The following AP2B1 variants were observed in gnomAD, a reference collection of about 807,000 sequenced individuals.
AP2B1 encodes AP-2 complex subunit beta.
In AP2B1, 23 loss-of-function variants were observed where a neutral mutation model predicts 102.0. That is an observed-to-expected ratio of 0.23 (90% CI 0.16 to 0.32). The LOEUF (loss-of-function observed/expected upper bound fraction) is 0.32, where lower values mean the gene tolerates loss of function less well. Ranked by LOEUF, AP2B1 falls within the 10% of genes least tolerant of loss-of-function variation. AP2B1 has a pLI of 1.00. For missense variants in AP2B1, 541 were observed against 1,157.4 expected (o/e 0.47, Z 7.73); for synonymous variants, 381 against 421.2 (o/e 0.90, Z 1.17).
chr17:35,679,409 G>A (rs1470257454), intron 17 of AP2B1, among the ~76,000 whole-genome samples: 1 of 147,212 alleles, frequency 6.8e-6, no homozygotes, highest in Admixed American at 6.8e-5. Flanking sequence ...TTTTTTTCCA[G>A]CCTTATTCAT....
chr17:35,592,127 T>C (rs2142285817), intron 1 of AP2B1, among the ~76,000 whole-genome samples: 3 of 135,916 alleles, frequency 2.2e-5, no homozygotes, highest in Non-Finnish European at 3.1e-5. Flanking sequence ...CTGGCTCTTT[T>C]TTCTTTTCTT....
intron 10 of AP2B1, 54 bp downstream of exon 10, chr17:35,636,510 G>A: frequency 7.1e-7 from 1 of 1,410,956 alleles, no homozygotes; most frequent in Non-Finnish European, 1.0e-6. Context: ...AAATGTTTAA[G>A]GCACTTTGAA....
chr17:35,642,123 T>C (rs1352402597), intron 12 of AP2B1, 148 bp downstream of exon 12: 2 of 549,682 alleles, frequency 3.6e-6, no homozygotes, highest in Middle Eastern at 3.0e-4. Flanking sequence ...AAACAATGCC[T>C]TTTTACGTGT....
chr17:35,630,765 T>C (rs1342438520), intron 9 of AP2B1, among the ~76,000 whole-genome samples: 1 of 152,196 alleles, frequency 6.6e-6, no homozygotes, highest in Non-Finnish European at 1.5e-5. Flanking sequence ...CTAAGCGTGC[T>C]TTGATGGGAG....
At chr17:35,686,042 C>A (rs1362017326) in intron 18 of AP2B1, among the ~76,000 whole-genome samples, 1 of 152,184 alleles carries the variant, frequency 6.6e-6, no homozygotes, top group Non-Finnish European at 1.5e-5. Context: ...GGATTACAGG[C>A]GTGAGCTGCC....
intron 18 of AP2B1, among the ~76,000 whole-genome samples, chr17:35,704,729 T>C (rs2076305578): frequency 6.6e-6 from 1 of 152,138 alleles, no homozygotes; most frequent in South Asian, 2.1e-4. Flanking sequence ...AAGAAAATAT[T>C]AAGCAGAAAG....
In AP2B1 at chr17:35,723,815, G is replaced by C; in HGVS notation, c.*116G>C. On this transcript the variant is annotated 3_prime_UTR_variant, in exon 22 of 22. Coordinates refer to ENST00000610402, the MANE Select transcript of AP2B1 (RefSeq NM_001030006.2). ...GAACACACTGAGGCCACCTAGCAAG[G>C]TAGTAACTAGTCTAACCTGTGCTAA... The C allele has an allele frequency of 1.4e-6, 1 of 728,916 alleles. No individual in the cohort carries two copies. The highest frequency in any genetic ancestry group is 2.4e-6 in the Non-Finnish European group (1 of 408,664). The allele number at this position is 728,916 out of a possible 1,614,324, so 45.2% of individuals were successfully genotyped here.
At chr17:35,714,889 C>G (rs1006671377) in intron 20 of AP2B1, among the ~76,000 whole-genome samples, 6 of 152,158 alleles carry the variant, frequency 3.9e-5, no homozygotes, top group Non-Finnish European at 1.5e-5. Flanking sequence ...TTATCAAACT[C>G]TCACAACTAT....
Position 35,709,244 on chromosome 17 carries a change from C to G in AP2B1, c.2475C>G (p.Ile825Met). ...NNLQVAVKNN[I>M]DVFYFSCLIP... is the part of the protein sequence containing the mutation. ...GGCAGGTGGCTGTGAAAAACAATAT[C>G]GATGTCTTCTACTTCAGCTGCCTCA... is the stretch of plus-strand genomic sequence containing the variant. Residue 825 changes from isoleucine (I) to methionine (M), a missense_variant, in exon 19 of 22, where the codon ATC becomes ATG. Around this residue, in one of 10 missense-constraint regions of AP2B1, gnomAD observed 117 missense variants for 206.7 expected, o/e 0.57. Transcript: ENST00000610402. 1 of 1,614,082 alleles carries G rather than the reference C, an allele frequency of 6.2e-7. No individual in the cohort carries two copies.
rs138690453 is a variant in AP2B1, at chr17:35,611,492, C to T, written c.525+3105C>T. Among the ~76,000 whole-genome samples, 725 of 152,086 alleles carry T rather than the reference C, an allele frequency of 4.8e-3. 16 individuals carry two copies. The highest frequency in any genetic ancestry group is 0.047 in the East Asian group (241 of 5,172). On this transcript the variant is annotated intron_variant, in intron 5 of 21. Transcript: ENST00000610402. ...GTGTGTGTGTGTGTGCGCGCGCGCACGTGCGCACACACACTCAAGTAGCAC... is the reference window on the plus strand; with the variant it reads ...GTGTGTGTGTGTGTGCGCGCGCGCATGTGCGCACACACACTCAAGTAGCAC...
intron 18 of AP2B1, among the ~76,000 whole-genome samples, chr17:35,694,411 C>CTTT (rs11463088): frequency 1.1e-4 from 1 of 9,208 alleles, no homozygotes; most frequent in Non-Finnish European, 1.9e-4. Context: ...ACCTAGCTGA[C>CTTT]TTTTTTTTTT....
intron 12 of AP2B1, among the ~76,000 whole-genome samples, chr17:35,650,161 G>C (rs539741907): frequency 1.1e-4 from 17 of 152,122 alleles, no homozygotes; most frequent in Non-Finnish European, 2.4e-4. Flanking sequence ...TGTTGGCCAG[G>C]CTGGTCTCAA....
chr17:35,703,747 G>A (rs998180523), intron 18 of AP2B1, among the ~76,000 whole-genome samples: 1 of 152,096 alleles, frequency 6.6e-6, no homozygotes, highest in East Asian at 1.9e-4. Flanking sequence ...TTAATAGCTG[G>A]GTGATAAAAT....
At chr17:35,717,931 C>T (rs2085226711) in intron 21 of AP2B1, among the ~76,000 whole-genome samples, 1 of 152,214 alleles carries the variant, frequency 6.6e-6, no homozygotes, top group African/African-American at 2.4e-5. Context: ...AATAATAAGG[C>T]AGAAGCAGTT....
chr17:35,686,043 G>A (rs1338644476), intron 18 of AP2B1, among the ~76,000 whole-genome samples: 3 of 152,146 alleles, frequency 2.0e-5, no homozygotes, highest in Non-Finnish European at 4.4e-5. Context: ...GATTACAGGC[G>A]TGAGCTGCCA....
At chr17:35,697,987 T>C (rs587713653) in intron 18 of AP2B1, among the ~76,000 whole-genome samples, 55 of 152,340 alleles carry the variant, frequency 3.6e-4, no homozygotes, top group Admixed American at 1.2e-3. Context: ...AGTTGTCTTT[T>C]AGCAATAGAT....
intron 12 of AP2B1, among the ~76,000 whole-genome samples, chr17:35,643,886 G>A (rs892031264): frequency 1.3e-5 from 2 of 152,158 alleles, no homozygotes; most frequent in Admixed American, 6.5e-5. Context: ...CTGTGTATCA[G>A]TGTAGCATGC....
In AP2B1 at chr17:35,624,573, TC is replaced by T; in HGVS notation, c.703del (p.Arg235GlyfsTer10). The T allele has an allele frequency of 6.2e-7, 1 of 1,612,710 alleles. No homozygotes were observed. The highest frequency in any genetic ancestry group is 8.5e-7 in the Non-Finnish European group (1 of 1,179,098). ...CLSNYNPKDD[R>X]EAQSICERVT... The stretch of plus-strand genomic sequence containing the variant: ...TGTCTAATTACAACCCTAAAGATGA[TC>T]GGGAGGCTCAGAGGTCAGTCTGTTT... On this transcript the variant is annotated frameshift_variant, in exon 6 of 22. Transcript: ENST00000610402. LOFTEE classifies it high-confidence loss of function.
intron 1 of AP2B1, among the ~76,000 whole-genome samples, chr17:35,590,919 A>G (rs2073074749): frequency 6.6e-6 from 1 of 152,188 alleles, no homozygotes; most frequent in Non-Finnish European, 1.5e-5. Context: ...TCATGCCTGT[A>G]ATCCCAGCAC....
Sources: gnomAD v4.1 joint callset for allele counts (sites outside exome capture counted in the v4.1 genomes callset) on GRCh38, gnomAD v4.1.1 for gene constraint, gnomAD v4.1.1 regional missense constraint, MANE v1.5 for transcripts, NCBI Gene and HGNC (gene_info 2026-07-23, HGNC 2026-07-21) for gene names.